The following BCR variants were observed in gnomAD, a reference collection of about 807,000 sequenced individuals.
BCR encodes the protein BCR activator of RhoGEF and GTPase.
In BCR, 58 loss-of-function variants were observed where a neutral mutation model predicts 138.6. The observed-to-expected ratio is 0.42, with a 90% CI of 0.34 to 0.52. The LOEUF (loss-of-function observed/expected upper bound fraction) is 0.52, where lower values mean the gene tolerates loss of function less well. Ranked by LOEUF, BCR falls within the 20% of genes least tolerant of loss-of-function variation. The pLI, the probability that BCR is intolerant of heterozygous loss-of-function variation, is 0.06. For missense variants in BCR, 1,599 were observed against 1,727.2 expected, an observed-to-expected ratio of 0.93 and a Z score of 1.32; for synonymous variants, 786 against 730.1, an observed-to-expected ratio of 1.08 and a Z score of -1.23.
At position 23,181,785 on chromosome 22, in the gene BCR, G is replaced by A. The variant is rs74509390; in HGVS notation, c.825G>A (p.Glu275=). Residue 275 remains glutamate (E), a synonymous_variant, in exon 1 of 23, where the codon GAG becomes GAA. Coordinates refer to ENST00000305877, the MANE Select transcript of BCR (RefSeq NM_004327.4). ...GCAGGCCCCCTTGGCCGCCCCTGGA[G>A]TACCAGCCCTACCAGAGCATCTACG... ...GGSRPPWPPL[E]YQPYQSIYVG... The A allele has an allele frequency of 2.1e-4, 330 of 1,608,170 alleles. 1 individual carries two copies. The African/African-American group carries it at 3.6e-3, about 17-fold the overall frequency.
At chr22:23,261,093 G>A in intron 3 of BCR, 39 bp downstream of exon 3, 1 of 1,586,730 alleles carries the variant, frequency 6.3e-7, no homozygotes, top group Non-Finnish European at 8.6e-7. Flanking sequence ...GCGGGATGGG[G>A]CAGGGTGACA....
intron 16 of BCR, among the ~76,000 whole-genome samples, chr22:23,303,659 T>A (rs2073927071): frequency 6.6e-6 from 1 of 152,354 alleles, no homozygotes; most frequent in South Asian, 2.1e-4. Flanking sequence ...TATGAAGATG[T>A]AAACATCATG....
At chr22:23,278,464 C>T (rs2146294150) in intron 8 of BCR, among the ~76,000 whole-genome samples, 1 of 152,272 alleles carries the variant, frequency 6.6e-6, no homozygotes, top group African/African-American at 2.4e-5. Context: ...TGGTGGCTCA[C>T]ACCTGTAATC....
At chr22:23,227,534 C>A (rs2072908727) in intron 1 of BCR, among the ~76,000 whole-genome samples, 1 of 152,184 alleles carries the variant, frequency 6.6e-6, no homozygotes, top group Non-Finnish European at 1.5e-5. Flanking sequence ...GTGAGAGATC[C>A]CCATCTGGGA....
intron 9 of BCR, among the ~76,000 whole-genome samples, chr22:23,284,479 ACT>A (rs1205688466): frequency 4.6e-5 from 7 of 151,002 alleles, no homozygotes; most frequent in Non-Finnish European, 8.8e-5. Flanking sequence ...GCGTGCACAC[ACT>A]CCCCTCCTCC....
At chr22:23,265,559 G>C (rs12484705) in intron 4 of BCR, among the ~76,000 whole-genome samples, 1,656 of 152,342 alleles carry the variant, frequency 0.011, 76 homozygotes, top group Admixed American at 0.088. Context: ...ACCTCCTCCT[G>C]TGGGGCTGCA....
intron 1 of BCR, among the ~76,000 whole-genome samples, chr22:23,182,564 C>G (rs1311247378): frequency 6.6e-6 from 1 of 152,186 alleles, no homozygotes. Flanking sequence ...CAGTAACCTC[C>G]TTGCTATGTG....
intron 4 of BCR, chr22:23,264,533 T>C: frequency 1.9e-6 from 1 of 514,424 alleles, no homozygotes; most frequent in South Asian, 2.3e-5. Context: ...CTTTGTGGCT[T>C]ACCAGAGATG....
At chr22:23,270,639 C>A (rs564019925) in intron 5 of BCR, among the ~76,000 whole-genome samples, 1 of 152,346 alleles carries the variant, frequency 6.6e-6, no homozygotes, top group East Asian at 1.9e-4. Context: ...AGCTGGAAAA[C>A]ACTTTCGTCT....
Position 23,253,691 on chromosome 22 carries a change from A to G in BCR, c.1280-108A>G, listed in dbSNP as rs995222567. The stretch of plus-strand genomic sequence containing the variant: ...TCAGCATACCCGAGGTCGTTGTGAG[A>G]TGCCTGTTGGGGACAGAGATGGTGT... On this transcript the variant is annotated intron_variant, in intron 1 of 22. Coordinates refer to ENST00000305877, the MANE Select transcript of BCR (RefSeq NM_004327.4). 87 of 1,339,754 alleles carry G rather than the reference A, an allele frequency of 6.5e-5. No individual in the cohort carries two copies. In the African/African-American group the frequency reaches 1.1e-3, roughly 17 times the overall value. 83.0% of individuals were successfully genotyped at this position (1,339,754 alleles called of 1,614,324 possible).
intron 1 of BCR, among the ~76,000 whole-genome samples, chr22:23,223,322 G>T (rs1397164364): frequency 6.6e-6 from 1 of 152,180 alleles, no homozygotes; most frequent in Admixed American, 6.5e-5. Context: ...ACTTGTGTGT[G>T]TACATGCATA....
Position 23,313,981 on chromosome 22 carries a change from G to A in BCR, c.3471G>A (p.Pro1157=), listed in dbSNP as rs374074883. Residue 1157 remains proline, a synonymous_variant, in exon 21 of 23, where the codon CCG becomes CCA. Coordinates refer to ENST00000305877, the MANE Select transcript of BCR (RefSeq NM_004327.4). ...CGCCTTCTGCAGCTCTTTCAGACCCGGTTGCAAAGGAGAGCTGCATGCTCA... is the reference window on the plus strand; with the variant it reads ...CGCCTTCTGCAGCTCTTTCAGACCCAGTTGCAAAGGAGAGCTGCATGCTCA... ...NFAEGIALSD[P]VAKESCMLNL... 2.0e-5 allele frequency: 33 copies of A among 1,613,778 alleles called. No homozygotes were observed. The African/African-American group carries it at 2.1e-4, about 10-fold the overall frequency.
chr22:23,259,734 T>G (rs2073336043), intron 2 of BCR, among the ~76,000 whole-genome samples: 1 of 152,082 alleles, frequency 6.6e-6, no homozygotes, highest in Non-Finnish European at 1.5e-5. Flanking sequence ...CCAAGGCTGG[T>G]GATCTCGAAC....
intron 1 of BCR, among the ~76,000 whole-genome samples, chr22:23,193,369 C>T (rs1266104906): frequency 6.6e-6 from 1 of 152,248 alleles, no homozygotes; most frequent in African/African-American, 2.4e-5. Context: ...GGTGACCCTT[C>T]CCCTTGGGGG....
chr22:23,250,399 A>G (rs1223856026), intron 1 of BCR, among the ~76,000 whole-genome samples: 1 of 152,140 alleles, frequency 6.6e-6, no homozygotes, highest in Non-Finnish European at 1.5e-5. Context: ...TTTGTTTTAG[A>G]CGTTTCGCAG....
At position 23,242,633 on chromosome 22, in the gene BCR, G is replaced by A. The variant is rs369330614; in HGVS notation, c.1280-11166G>A. Among the ~76,000 whole-genome samples, 20 of 152,278 alleles carry A rather than the reference G, an allele frequency of 1.3e-4. No homozygotes were observed. The East Asian group carries it at 2.3e-3, about 18-fold the overall frequency. ...CTGCTGGTTGAAGGCTCTGTTGGTC[G>A]CATTCTTCTCTCTCACAGACTCTGC... On this transcript the variant is annotated intron_variant, in intron 1 of 22. Transcript: ENST00000305877.
Position 23,253,786 on chromosome 22 carries a change from T to C in BCR, c.1280-13T>C. Reference sequence around the variant, plus strand: ...CTCTGTCTCTAACACAGGATGCTTCTTTGCACACACAGATGGCTCGTTCGG... The same window carrying C: ...CTCTGTCTCTAACACAGGATGCTTCCTTGCACACACAGATGGCTCGTTCGG... On this transcript the variant is annotated splice_polypyrimidine_tract_variant and intron_variant, in intron 1 of 22. Transcript: ENST00000305877. 2 of 1,605,852 alleles carry C rather than the reference T, an allele frequency of 1.2e-6. No individual in the cohort carries two copies. Among genetic ancestry groups the C allele is most frequent in the South Asian group, 1.1e-5 (1 of 90,428 alleles).
At chr22:23,248,205 G>C (rs2073177044) in intron 1 of BCR, among the ~76,000 whole-genome samples, 1 of 152,162 alleles carries the variant, frequency 6.6e-6, no homozygotes, top group Non-Finnish European at 1.5e-5. Flanking sequence ...TTAGCTGGGT[G>C]TGGTGGCGCA....
Position 23,261,392 on chromosome 22 carries a change from A to C in BCR, c.1604A>C (p.Gln535Pro). 6.2e-7 allele frequency: 1 copy of C among 1,613,588 alleles called. No homozygotes were observed. The highest frequency in any genetic ancestry group is 8.5e-7 in the Non-Finnish European group (1 of 1,179,872). Residue 535 changes from glutamine to proline, a missense_variant, in exon 4 of 23, where the codon CAG becomes CCG. Coordinates refer to ENST00000305877, the MANE Select transcript of BCR (RefSeq NM_004327.4). ...KPLKAAATTS[Q>P]PVLTSQQIET... is the part of the protein sequence containing the mutation. ...TTGAAAGCCGCTGCCACCACCTCTC[A>C]GCCGGTGCTGACGAGTCAGCAGATC...
Sources: allele counts gnomAD v4.1 joint callset (sites outside exome capture counted in the v4.1 genomes callset), GRCh38; gene constraint gnomAD v4.1.1; transcripts MANE v1.5; gene names NCBI Gene and HGNC (gene_info 2026-07-23, HGNC 2026-07-21).